The following BTBD10 variants were observed in gnomAD, a reference collection of about 807,000 sequenced individuals.
BTBD10 encodes BTB domain containing 10.
A neutral mutation model predicts 53.2 loss-of-function variants in BTBD10; 21 were observed. The ratio of observed to expected loss-of-function variants is 0.39; its 90% CI spans 0.28 to 0.57. The LOEUF (loss-of-function observed/expected upper bound fraction) is 0.57. Among genes scored for constraint, BTBD10 ranks in the 20% least tolerant of loss-of-function variants. BTBD10 has a pLI of 0.53. For synonymous variants in BTBD10, 149 were observed against 192.7 expected (o/e 0.77, Z 1.88); for missense variants, 360 against 594.7 (o/e 0.61, Z 4.10).
intron 8 of BTBD10, among the ~76,000 whole-genome samples, chr11:13,395,511 T>G (rs1420144992): frequency 6.6e-6 from 1 of 152,232 alleles, no homozygotes; most frequent in African/African-American, 2.4e-5. Context: ...CTGATGGTGG[T>G]TTCTTTTGCT....
chr11:13,432,205 T>A (rs760412276), intron 2 of BTBD10, among the ~76,000 whole-genome samples: 1 of 151,746 alleles, frequency 6.6e-6, no homozygotes, highest in South Asian at 2.1e-4. Context: ...GAGGTCAGAG[T>A]TGGAGAGAGG....
chr11:13,450,975 G>A (rs1381725050), intron 1 of BTBD10, among the ~76,000 whole-genome samples: 2 of 152,116 alleles, frequency 1.3e-5, no homozygotes, highest in Non-Finnish European at 2.9e-5. Context: ...TTTGCTGAGT[G>A]GCCTCCCCAT....
Position 13,445,057 on chromosome 11 carries a change from T to C in BTBD10, c.68A>G (p.His23Arg). The change falls in exon 2 of 9, where the codon CAT (histidine) becomes CGT (arginine). Residue 23 changes from histidine to arginine, a missense_variant. Transcript: ENST00000278174. ...SDPENWDRKL[H>R]SRPRKLYKHS... Reference sequence around the variant, plus strand: ...TTTATAAAGTTTACGAGGTCTACTATGCAATTTCCGATCCCAATTCTCTGG... The same window carrying C: ...TTTATAAAGTTTACGAGGTCTACTACGCAATTTCCGATCCCAATTCTCTGG... 6.2e-7 allele frequency: 1 copy of C among 1,613,166 alleles called. No individual in the cohort carries two copies. The highest frequency in any genetic ancestry group is 8.5e-7 in the Non-Finnish European group (1 of 1,179,306).
chr11:13,390,192 A>C (rs1949370070), intron 8 of BTBD10, among the ~76,000 whole-genome samples: 1 of 152,180 alleles, frequency 6.6e-6, no homozygotes, highest in Non-Finnish European at 1.5e-5. Flanking sequence ...AGTAAGAATT[A>C]ACTAGTTTGG....
intron 2 of BTBD10, chr11:13,439,774 A>C: frequency 4.9e-6 from 4 of 813,856 alleles, no homozygotes; most frequent in Non-Finnish European, 7.1e-6. Context: ...TAGTCATGTA[A>C]ATGATCATAA....
intron 2 of BTBD10, among the ~76,000 whole-genome samples, chr11:13,438,851 A>T (rs1267528906): frequency 6.6e-6 from 1 of 152,046 alleles, no homozygotes; most frequent in Non-Finnish European, 1.5e-5. Context: ...CCTATAAAGT[A>T]TAAGATTAAA....
At chr11:13,460,470 G>T (rs1047430326) in intron 1 of BTBD10, among the ~76,000 whole-genome samples, 2 of 152,140 alleles carry the variant, frequency 1.3e-5, no homozygotes, top group African/African-American at 4.8e-5. Context: ...CAGATTATGT[G>T]ATTAAATTAC....
rs569060764 is a variant in BTBD10 at position 13,391,548 on chromosome 11, C to G, written c.1118-2407G>C. On this transcript the variant is annotated intron_variant, in intron 8 of 8. Coordinates refer to ENST00000278174, the MANE Select transcript of BTBD10 (RefSeq NM_032320.7). Reference sequence around the variant, plus strand: ...ACAATTTGTTGGTGTATCCTCAGTGCCTAGCATAGTACCTGATACACTGCA... The same window carrying G: ...ACAATTTGTTGGTGTATCCTCAGTGGCTAGCATAGTACCTGATACACTGCA... Among the ~76,000 whole-genome samples, 3 of 152,298 alleles carry G rather than the reference C, an allele frequency of 2.0e-5. No homozygotes were observed. The South Asian group carries it at 6.2e-4, about 32-fold the overall frequency.
At chr11:13,443,378 T>G (rs903908914) in intron 2 of BTBD10, among the ~76,000 whole-genome samples, 28 of 152,180 alleles carry the variant, frequency 1.8e-4, no homozygotes, top group African/African-American at 6.8e-4. Flanking sequence ...TTTTATTAAT[T>G]TTTCCCACTG....
intron 6 of BTBD10, among the ~76,000 whole-genome samples, chr11:13,407,184 G>C (rs1949850246): frequency 6.6e-6 from 1 of 152,040 alleles, no homozygotes; most frequent in African/African-American, 2.4e-5. Context: ...TTCTTCCTCA[G>C]TAACCTTTGC....
At chr11:13,394,289 C>T (rs1374132635) in intron 8 of BTBD10, among the ~76,000 whole-genome samples, 1 of 152,128 alleles carries the variant, frequency 6.6e-6, no homozygotes. Context: ...GTGTTTGAAT[C>T]ATGGCGGCAG....
intron 6 of BTBD10, among the ~76,000 whole-genome samples, chr11:13,407,120 CA>C (rs1949849001): frequency 6.6e-6 from 1 of 152,074 alleles, no homozygotes; most frequent in Non-Finnish European, 1.5e-5. Flanking sequence ...GAAACATACT[CA>C]CCCCTAAGAA....
intron 2 of BTBD10, chr11:13,439,839 AAAT>A: frequency 7.0e-7 from 1 of 1,422,096 alleles, no homozygotes. Flanking sequence ...TCATATATGT[AAAT>A]AATTATAACC....
intron 2 of BTBD10, among the ~76,000 whole-genome samples, chr11:13,425,722 A>T (rs1950324468): frequency 6.6e-6 from 1 of 152,190 alleles, no homozygotes; most frequent in Non-Finnish European, 1.5e-5. Context: ...GTTAGAAGAG[A>T]GAACTTTGAA....
intron 5 of BTBD10, 26 bp downstream of exon 5, chr11:13,417,132 A>G: frequency 6.5e-7 from 1 of 1,547,372 alleles, no homozygotes; most frequent in African/African-American, 1.4e-5. Context: ...CTTATGATTA[A>G]GTCAATACTC....
chr11:13,402,410 T>C (rs1376921626), intron 8 of BTBD10, among the ~76,000 whole-genome samples: 2 of 152,214 alleles, frequency 1.3e-5, no homozygotes, highest in African/African-American at 4.8e-5. Flanking sequence ...TACTCATTAA[T>C]GCTCTCATTT....
chr11:13,408,808 T>G (rs1197130206), intron 6 of BTBD10, among the ~76,000 whole-genome samples: 1 of 152,204 alleles, frequency 6.6e-6, no homozygotes, highest in Admixed American at 6.5e-5. Flanking sequence ...ATCTCATACC[T>G]GGACTTTGAC....
intron 1 of BTBD10, among the ~76,000 whole-genome samples, chr11:13,452,336 T>C (rs1013686568): frequency 2.0e-5 from 3 of 152,142 alleles, no homozygotes; most frequent in African/African-American, 4.8e-5. Flanking sequence ...CAGCACAAAG[T>C]AATTTTGGTG....
Position 13,421,627 on chromosome 11 carries a change from G to A in BTBD10, c.298+15C>T. ...TTTTTAAGAACTGTTAGGAAGGTTA[G>A]TTGATTTTACATACCAACATGGTGC... On this transcript the variant is annotated intron_variant, in intron 3 of 8. Coordinates refer to ENST00000278174, the MANE Select transcript of BTBD10 (RefSeq NM_032320.7). 1.9e-6 allele frequency: 3 copies of A among 1,603,354 alleles called. No homozygotes were observed. The highest frequency in any genetic ancestry group is 1.1e-5 in the South Asian group (1 of 90,198).
Sources: allele counts gnomAD v4.1 joint callset (sites outside exome capture counted in the v4.1 genomes callset), GRCh38; gene constraint gnomAD v4.1.1; transcripts MANE v1.5; gene names NCBI Gene and HGNC (gene_info 2026-07-23, HGNC 2026-07-21).